Variants in MPZL1 observed in about 807,000 individuals in gnomAD.
The protein encoded by MPZL1 is myelin protein zero like 1.
MPZL1 carries 16 observed loss-of-function variants against 29.3 expected under a neutral mutation model. That is an observed-to-expected ratio of 0.55 (90% CI 0.37 to 0.83). The LOEUF (loss-of-function observed/expected upper bound fraction) is 0.83. MPZL1 is among the 40% of genes least tolerant of loss of function. The pLI, the probability that MPZL1 is intolerant of heterozygous loss-of-function variation, is 0.00. For missense variants in MPZL1, 279 were observed against 332.9 expected (o/e 0.84, Z 1.26); for synonymous variants, 143 against 132.0 (o/e 1.08, Z -0.57).
chr1:167,722,762 T>A (rs1232126247), intron 1 of MPZL1, among the ~76,000 whole-genome samples: 1 of 152,186 alleles, frequency 6.6e-6, no homozygotes, highest in Non-Finnish European at 1.5e-5. Context: ...ATGCTCTCAT[T>A]CAGTTTTAAG....
chr1:167,773,429 T>C (rs2101790814), intron 4 of MPZL1, 61 bp downstream of exon 4: 1 of 1,516,304 alleles, frequency 6.6e-7, no homozygotes, highest in South Asian at 1.2e-5. Flanking sequence ...TTATAGAAAC[T>C]TCTGTATTTA....
intron 1 of MPZL1, among the ~76,000 whole-genome samples, chr1:167,757,899 C>T (rs1300779435): frequency 1.3e-5 from 2 of 152,108 alleles, no homozygotes; most frequent in Non-Finnish European, 2.9e-5. Flanking sequence ...CCTTTAGTCC[C>T]AGCACTTTGG....
In MPZL1 at chr1:167,737,580, A is replaced by G. The variant is rs1411466512; in HGVS notation, c.91+15338A>G. ...CCCTGTGCTGAGATAGATTGTTCTC[A>G]CAAGATTGCCCAGGGAATATGGGAT... On this transcript the variant is annotated intron_variant, in intron 1 of 5. Transcript: ENST00000359523. Among the ~76,000 whole-genome samples, 31 of 152,236 alleles carry G rather than the reference A, an allele frequency of 2.0e-4. 1 individual carries two copies.
rs759697737 is a variant in MPZL1 at position 167,773,894 on chromosome 1, T to TA, written c.605+541dup. 3.2e-3 allele frequency: 436 copies of TA among 138,382 alleles called. 3 individuals are homozygous for TA. Among genetic ancestry groups the TA allele is most frequent in the East Asian group, 0.025 (122 of 4,808 alleles). 8.6% of individuals were successfully genotyped at this position (138,382 alleles called of 1,614,324 possible). A position where few individuals can be genotyped will look rare whatever the true frequency, so the allele number is the denominator to read the frequency against. ...GCAACATAGCAAGATCCTGTCTCTT[T>TA]AAAAAAAAAAAAAAAGAAAGAAAGA... On this transcript the variant is annotated intron_variant, in intron 4 of 5. Transcript: ENST00000359523.
chr1:167,723,291 C>T lies in MPZL1; in HGVS notation c.91+1049C>T, dbSNP rs577758441. Among the ~76,000 whole-genome samples the T allele has an allele frequency of 1.4e-4, 22 of 152,316 alleles. No individual in the cohort carries two copies. In the South Asian group the frequency reaches 1.5e-3, roughly 10 times the overall value. ...GAGTTTACTCAGTAATTTCTTTCTT[C>T]ATGGAAAAGTTCTTAATATAATCCT... is the stretch of plus-strand genomic sequence containing the variant. On this transcript the variant is annotated intron_variant, in intron 1 of 5. Transcript: ENST00000359523.
rs1660540096 is a variant in MPZL1 at position 167,742,025 on chromosome 1, C to T, written c.91+19783C>T. On this transcript the variant is annotated intron_variant, in intron 1 of 5. Coordinates refer to ENST00000359523, the MANE Select transcript of MPZL1 (RefSeq NM_003953.6). ...TCCAGCCTGGGTGACAAAGTGAGAC[C>T]CTGCCCCCAGAAAAAAACCCTTGTT... Among the ~76,000 whole-genome samples the T allele has an allele frequency of 1.6e-5, 2 of 124,904 alleles. 1 individual carries two copies. The highest frequency in any genetic ancestry group is 1.6e-4 in the Admixed American group (2 of 12,524). 81.9% of individuals were successfully genotyped at this position (124,904 alleles called of 152,430 possible). A position where few individuals can be genotyped will look rare whatever the true frequency, so the allele number is the denominator to read the frequency against.
chr1:167,725,793 T>A (rs1190394306), intron 1 of MPZL1, among the ~76,000 whole-genome samples: 1 of 152,088 alleles, frequency 6.6e-6, no homozygotes, highest in East Asian at 1.9e-4. Context: ...CTGATTTTTT[T>A]ATTTTTAGTA....
chr1:167,743,906 C>G (rs1309180942), intron 1 of MPZL1, among the ~76,000 whole-genome samples: 1 of 151,978 alleles, frequency 6.6e-6, no homozygotes, highest in African/African-American at 2.4e-5. Context: ...ATTTCTTTCT[C>G]TTGTCTGATT....
intron 1 of MPZL1, among the ~76,000 whole-genome samples, chr1:167,737,384 G>A (rs1660397827): frequency 6.6e-6 from 1 of 152,210 alleles, no homozygotes; most frequent in Non-Finnish European, 1.5e-5. Context: ...GGATTTGATA[G>A]TGATGTGGCT....
At chr1:167,762,754 T>C (rs1481232572) in intron 1 of MPZL1, among the ~76,000 whole-genome samples, 3 of 152,228 alleles carry the variant, frequency 2.0e-5, no homozygotes, top group Non-Finnish European at 2.9e-5. Flanking sequence ...GTAGGCCTGA[T>C]CTTACCCAGA....
rs542188682 is a variant in MPZL1 at position 167,751,641 on chromosome 1, A to G, written c.92-13942A>G. ...AGCCGAGATGGCACCATTGCACTCC[A>G]GCCTGGGCGACAGGACGAGACTCCA... On this transcript the variant is annotated intron_variant, in intron 1 of 5. Coordinates refer to ENST00000359523, the MANE Select transcript of MPZL1 (RefSeq NM_003953.6). Among the ~76,000 whole-genome samples the G allele has an allele frequency of 2.1e-4, 32 of 151,246 alleles. No individual in the cohort carries two copies. In the South Asian group the frequency reaches 6.3e-3, roughly 30 times the overall value.
At chr1:167,743,944 T>C (rs978902333) in intron 1 of MPZL1, among the ~76,000 whole-genome samples, 2 of 152,170 alleles carry the variant, frequency 1.3e-5, no homozygotes, top group East Asian at 1.9e-4. Flanking sequence ...CAATACTTTG[T>C]TGAAGAGAAG....
chr1:167,785,757 A>G (rs575613185), intron 5 of MPZL1, among the ~76,000 whole-genome samples: 2 of 152,284 alleles, frequency 1.3e-5, no homozygotes, highest in East Asian at 3.9e-4. Flanking sequence ...GTTACCAGGG[A>G]ACAGTTAGTT....
At chr1:167,772,175 G>T in intron 2 of MPZL1, 100 bp from the exon 3 acceptor site, 3 of 930,452 alleles carry the variant, frequency 3.2e-6, no homozygotes, top group Admixed American at 5.0e-5. Context: ...ATTTCTTTCC[G>T]TATGAAGTCT....
At chr1:167,755,580 T>C (rs1041550848) in intron 1 of MPZL1, among the ~76,000 whole-genome samples, 1 of 152,208 alleles carries the variant, frequency 6.6e-6, no homozygotes, top group Non-Finnish European at 1.5e-5. Context: ...TACCAAAAGT[T>C]CCTTATTTTC....
Position 167,744,632 on chromosome 1 carries a change from C to T in MPZL1, c.92-20951C>T, listed in dbSNP as rs149617824. 3.0e-4 allele frequency among the ~76,000 whole-genome samples: 44 copies of T among 145,652 alleles called. No individual in the cohort carries two copies. In the East Asian group the frequency reaches 8.0e-3, roughly 27 times the overall value. ...CCGGGGGTCAGAGGTTGCAGTGAGC[C>T]GAGATCGCACCACTTCACTCCAGCC... On this transcript the variant is annotated intron_variant, in intron 1 of 5. Coordinates refer to ENST00000359523, the MANE Select transcript of MPZL1 (RefSeq NM_003953.6).
At chr1:167,735,578 T>C (rs1422776790) in intron 1 of MPZL1, among the ~76,000 whole-genome samples, 1 of 152,168 alleles carries the variant, frequency 6.6e-6, no homozygotes, top group East Asian at 1.9e-4. Flanking sequence ...GATAGATAGA[T>C]AGGAATTCGC....
At chr1:167,787,025 C>T (rs1202975655) in intron 5 of MPZL1, 1 of 152,204 alleles carries the variant, frequency 6.6e-6, no homozygotes, top group African/African-American at 2.4e-5. Context: ...CCCTTGCTCT[C>T]CTGAATGGGA....
chr1:167,752,031 CTTCCTACAG>C (rs1236264376), intron 1 of MPZL1, among the ~76,000 whole-genome samples: 7 of 152,368 alleles, frequency 4.6e-5, no homozygotes, highest in African/African-American at 1.4e-4. Context: ...GTGATGCCCA[CTTCCTACAG>C]GATCAAGTTC....
Sources: allele counts gnomAD v4.1 joint callset (sites outside exome capture counted in the v4.1 genomes callset), GRCh38; gene constraint gnomAD v4.1.1; transcripts MANE v1.5; gene names NCBI Gene and HGNC (gene_info 2026-07-23, HGNC 2026-07-21).